PAX7: variants seen among roughly 807,000 people sequenced by gnomAD.
PAX7 encodes the protein paired box protein Pax-7.
A neutral mutation model predicts 50.7 loss-of-function variants in PAX7; 18 were observed. The ratio of observed to expected loss-of-function variants is 0.36; its 90% CI spans 0.25 to 0.53. The LOEUF is 0.53. Among genes scored for constraint, PAX7 ranks in the 20% least tolerant of loss-of-function variants. PAX7 has a pLI of 0.93. For synonymous variants in PAX7, 310 were observed against 290.4 expected, an observed-to-expected ratio of 1.07 and a Z score of -0.69; for missense variants, 644 against 702.9, an observed-to-expected ratio of 0.92 and a Z score of 0.95.
chr1:18,661,831 G>T (rs372354593), intron 4 of PAX7, among the ~76,000 whole-genome samples: 23 of 152,350 alleles, frequency 1.5e-4, no homozygotes, highest in African/African-American at 5.3e-4. Flanking sequence ...CCCTCTGCCC[G>T]CGCCTTCCAG....
intron 8 of PAX7, among the ~76,000 whole-genome samples, chr1:18,739,089 A>G (rs1282656391): frequency 6.6e-6 from 1 of 152,192 alleles, no homozygotes; most frequent in East Asian, 1.9e-4. Flanking sequence ...CCCTCTGCCC[A>G]AGTTCATCCC....
At chr1:18,729,339 G>A (rs947145554) in intron 7 of PAX7, among the ~76,000 whole-genome samples, 1 of 152,188 alleles carries the variant, frequency 6.6e-6, no homozygotes, top group African/African-American at 2.4e-5. Context: ...ACAGGGGGCA[G>A]GAGGGAGTGG....
intron 4 of PAX7, among the ~76,000 whole-genome samples, chr1:18,663,246 CT>C (rs992182889): frequency 1.3e-5 from 2 of 152,226 alleles, no homozygotes; most frequent in Non-Finnish European, 2.9e-5. Flanking sequence ...GGGCTCATCA[CT>C]TCCACCTGTT....
chr1:18,689,389 G>T (rs921406138), intron 4 of PAX7, among the ~76,000 whole-genome samples: 2 of 152,104 alleles, frequency 1.3e-5, no homozygotes, highest in African/African-American at 2.4e-5. Context: ...TGACTGGGGG[G>T]CTGGGTAACT....
chr1:18,731,121 T>A (rs2100395586), intron 7 of PAX7, among the ~76,000 whole-genome samples: 1 of 152,302 alleles, frequency 6.6e-6, no homozygotes, highest in South Asian at 2.1e-4. Flanking sequence ...AAGTAAAATC[T>A]ACCCGGGGAG....
At chr1:18,679,303 G>C (rs566298763) in intron 4 of PAX7, among the ~76,000 whole-genome samples, 96 of 152,322 alleles carry the variant, frequency 6.3e-4, no homozygotes, top group African/African-American at 2.2e-3. Flanking sequence ...ACTGGACACA[G>C]CCCCTGTGTC....
rs185734885 is a variant in PAX7, at chr1:18,692,478, G to A, written c.786+525G>A. 2.5e-3 allele frequency among the ~76,000 whole-genome samples: 383 copies of A among 151,746 alleles called. 6 individuals are homozygous for A. The South Asian group carries it at 0.035, about 14-fold the overall frequency. On this transcript the variant is annotated intron_variant, in intron 5 of 8. Coordinates refer to ENST00000420770, the MANE Select transcript of PAX7 (RefSeq NM_001135254.2). ...AGTCACTTGAACGTGGGAGGCGGAG[G>A]TTGCAGTGAGCCAAGATTGCGCCAC...
At chr1:18,681,636 G>T (rs140014941) in intron 4 of PAX7, among the ~76,000 whole-genome samples, 3,347 of 152,164 alleles carry the variant, frequency 0.022, 142 homozygotes, top group African/African-American at 0.076. Flanking sequence ...ATGCCCCACT[G>T]CAGTTTCCCC....
At chr1:18,736,705 T>C (rs1930689295) in intron 8 of PAX7, among the ~76,000 whole-genome samples, 1 of 152,238 alleles carries the variant, frequency 6.6e-6, no homozygotes, top group African/African-American at 2.4e-5. Context: ...GTATTTAAAT[T>C]TCATATAGTT....
intron 7 of PAX7, among the ~76,000 whole-genome samples, chr1:18,711,354 G>C (rs76488692): frequency 0.037 from 5,586 of 152,184 alleles, 358 homozygotes; most frequent in African/African-American, 0.13. Flanking sequence ...CTCACTAAAT[G>C]TGCCCTCGTC....
At chr1:18,677,055 A>C (rs1209626787) in intron 4 of PAX7, among the ~76,000 whole-genome samples, 2 of 152,236 alleles carry the variant, frequency 1.3e-5, no homozygotes, top group Non-Finnish European at 2.9e-5. Context: ...CAAGGTGAAG[A>C]GTCCTCTCAT....
At chr1:18,742,544 C>G (rs796448617) in intron 8 of PAX7, among the ~76,000 whole-genome samples, 1 of 152,082 alleles carries the variant, frequency 6.6e-6, no homozygotes, top group African/African-American at 2.4e-5. Context: ...GCTACAGAGT[C>G]CCCCCAAGGC....
rs2088151132 is a variant in PAX7, at chr1:18,636,125, G to A, written c.452-112G>A. 9.2e-7 allele frequency: 1 copy of A among 1,081,620 alleles called. No homozygotes were observed. The highest frequency in any genetic ancestry group is 1.4e-6 in the Non-Finnish European group (1 of 730,556). The allele number at this position is 1,081,620 out of a possible 1,614,324, so 67.0% of individuals were successfully genotyped here. ...CCTGTGTGTGGAAGAGGGATGAATG[G>A]ATATCTGTAAGGAAGCAGGGGGCTT... On this transcript the variant is annotated intron_variant, in intron 3 of 8. Coordinates refer to ENST00000420770, the MANE Select transcript of PAX7 (RefSeq NM_001135254.2). The surrounding 1 kb of genome is among the most constrained non-coding windows in gnomAD (Gnocchi z 5.1).
chr1:18,709,490 T>A (rs981191164), intron 7 of PAX7, among the ~76,000 whole-genome samples: 20 of 152,244 alleles, frequency 1.3e-4, no homozygotes, highest in African/African-American at 4.8e-4. Context: ...TCCTGCTTCT[T>A]GATACCCTTC....
At chr1:18,688,692 G>GGAGTTCAAGACCA (rs1203137773) in intron 4 of PAX7, among the ~76,000 whole-genome samples, 2 of 152,164 alleles carry the variant, frequency 1.3e-5, no homozygotes, top group African/African-American at 4.8e-5. Context: ...CCTGAGGTCA[G>GGAGTTCAAGACCA]GAGTTCAAGA....
chr1:18,716,172 G>A (rs1216155127), intron 7 of PAX7, among the ~76,000 whole-genome samples: 2 of 152,250 alleles, frequency 1.3e-5, no homozygotes, highest in Non-Finnish European at 2.9e-5. Context: ...GGGCAGGGGA[G>A]GCTCCTCCCT....
intron 7 of PAX7, among the ~76,000 whole-genome samples, chr1:18,718,788 A>G (rs1336625243): frequency 6.6e-6 from 1 of 151,848 alleles, no homozygotes; most frequent in Non-Finnish European, 1.5e-5. Flanking sequence ...GATTACAGGC[A>G]TGCACCACCA....
chr1:18,642,641 C>T (rs952260644), intron 4 of PAX7, among the ~76,000 whole-genome samples: 2 of 152,144 alleles, frequency 1.3e-5, no homozygotes, highest in African/African-American at 4.8e-5. Context: ...TCTTCTTTTC[C>T]CCTTCCCCCA....
chr1:18,675,760 A>T (rs889053089), intron 4 of PAX7, among the ~76,000 whole-genome samples: 1 of 151,822 alleles, frequency 6.6e-6, no homozygotes, highest in African/African-American at 2.4e-5. Context: ...TTCGACCCCG[A>T]TGTGTTGAGT....
Sources: gnomAD v4.1 joint callset for allele counts (sites outside exome capture counted in the v4.1 genomes callset) on GRCh38, gnomAD v4.1.1 for gene constraint, Gnocchi (gnomAD v3.1) non-coding constraint, MANE v1.5 for transcripts, NCBI Gene and HGNC (gene_info 2026-07-23, HGNC 2026-07-21) for gene names.